MTA3: variants seen among roughly 807,000 people sequenced by gnomAD.
MTA3 encodes the protein metastasis associated 1 family member 3.
A neutral mutation model predicts 83.5 loss-of-function variants in MTA3; 34 were observed. The observed-to-expected ratio is 0.41, with a 90% CI of 0.31 to 0.54. The LOEUF is 0.54. Ranked by LOEUF, MTA3 falls within the 20% of genes least tolerant of loss-of-function variation. The pLI is 0.33. For synonymous variants in MTA3, 303 were observed against 252.7 expected (o/e 1.20, Z -1.89); for missense variants, 761 against 726.4 (o/e 1.05, Z -0.55).
chr2:42,578,870 G>A (rs1271885347), intron 2 of MTA3, among the ~76,000 whole-genome samples: 1 of 152,122 alleles, frequency 6.6e-6, no homozygotes, highest in Non-Finnish European at 1.5e-5. Context: ...AGTCTAATCA[G>A]TTTAGTTTAA....
At position 42,713,074 on chromosome 2, in the gene MTA3, T is replaced by A. The variant is rs1666755870; in HGVS notation, c.1525+3978T>A. On this transcript the variant is annotated intron_variant, in intron 14 of 16. Coordinates refer to ENST00000405094, the MANE Select transcript of MTA3 (RefSeq NM_001330442.2). The stretch of plus-strand genomic sequence containing the variant: ...GACTGAGGTTAAATAGAAGTAGGTT[T>A]ACTAGCAACATTCCAAAGATGAAGC... Among the ~76,000 whole-genome samples, 3 of 152,314 alleles carry A rather than the reference T, an allele frequency of 2.0e-5. No individual in the cohort carries two copies. The South Asian group carries it at 6.2e-4, about 32-fold the overall frequency.
intron 2 of MTA3, among the ~76,000 whole-genome samples, chr2:42,521,751 C>CTTTTTTTTTTT (rs35664371): frequency 2.8e-5 from 3 of 106,400 alleles, no homozygotes; most frequent in African/African-American, 3.7e-5. Flanking sequence ...ATCTTTCTCT[C>CTTTTTTTTTTT]TTTTTTTTTT....
At chr2:42,538,696 T>C (rs1558422177) in intron 2 of MTA3, among the ~76,000 whole-genome samples, 1 of 133,976 alleles carries the variant, frequency 7.5e-6, no homozygotes, top group Admixed American at 8.4e-5. Context: ...CGACAGAATA[T>C]GATGACTCTT....
chr2:42,534,425 G>A (rs867908757), intron 2 of MTA3, among the ~76,000 whole-genome samples: 23 of 151,998 alleles, frequency 1.5e-4, no homozygotes, highest in African/African-American at 5.3e-4. Context: ...GCAAAACCCC[G>A]TCTCTACTAA....
At chr2:42,552,216 A>G (rs928633239) in intron 2 of MTA3, among the ~76,000 whole-genome samples, 29 of 152,272 alleles carry the variant, frequency 1.9e-4, no homozygotes, top group African/African-American at 6.7e-4. Flanking sequence ...TGGCATGTCT[A>G]GGGAATAATC....
In MTA3 at chr2:42,667,071, A is replaced by G. The variant is rs115347685; in HGVS notation, c.702+7209A>G. ...TTTTAAGCATACCATGCATGCTGCC[A>G]CATACCCCTCATCCTTTTTAAGAGA... On this transcript the variant is annotated intron_variant, in intron 8 of 16. Transcript: ENST00000405094. Among the ~76,000 whole-genome samples the G allele has an allele frequency of 3.8e-3, 583 of 152,182 alleles. 4 individuals carry two copies. Among genetic ancestry groups the G allele is most frequent in the African/African-American group, 0.013 (534 of 41,514 alleles).
upstream of MTA3, among the ~76,000 whole-genome samples, chr2:42,566,051 A>G (rs1268705421): frequency 6.6e-6 from 1 of 152,146 alleles, no homozygotes; most frequent in Non-Finnish European, 1.5e-5. Context: ...TGAGGTAGGT[A>G]TCAACCAGTA....
At chr2:42,652,133 A>G (rs113169881) in intron 6 of MTA3, among the ~76,000 whole-genome samples, 3,075 of 152,260 alleles carry the variant, frequency 0.02, 86 homozygotes, top group African/African-American at 0.068. Context: ...CACAGGTTAC[A>G]GGAGAGCAGG....
chr2:42,557,736 T>C (rs1438359093), intron 2 of MTA3, among the ~76,000 whole-genome samples: 1 of 152,212 alleles, frequency 6.6e-6, no homozygotes, highest in African/African-American at 2.4e-5. Flanking sequence ...CAGTCCTTTT[T>C]GAAATCAAGA....
chr2:42,613,479 A>C (rs1053124337), intron 4 of MTA3, among the ~76,000 whole-genome samples: 1 of 152,256 alleles, frequency 6.6e-6, no homozygotes, highest in Non-Finnish European at 1.5e-5. Flanking sequence ...ATGCTGATGT[A>C]GAACAAGTGC....
chr2:42,547,090 AT>A (rs1483373371), intron 2 of MTA3, among the ~76,000 whole-genome samples: 4 of 152,222 alleles, frequency 2.6e-5, no homozygotes, highest in African/African-American at 9.6e-5. Flanking sequence ...TAAAATACAG[AT>A]TCCCTGGCCC....
upstream of MTA3, among the ~76,000 whole-genome samples, chr2:42,567,284 C>T (rs1677957723): frequency 6.6e-6 from 1 of 152,208 alleles, no homozygotes; most frequent in Non-Finnish European, 1.5e-5. Flanking sequence ...GACGAGGAAA[C>T]AGGTCATAGA....
intron 2 of MTA3, among the ~76,000 whole-genome samples, chr2:42,532,605 A>G (rs753960240): frequency 6.6e-6 from 1 of 152,256 alleles, no homozygotes; most frequent in African/African-American, 2.4e-5. Flanking sequence ...TCAGCAAGAC[A>G]TAAACTAAAT....
At chr2:42,724,513 G>A (rs888871653) in intron 16 of MTA3, among the ~76,000 whole-genome samples, 3 of 151,776 alleles carry the variant, frequency 2.0e-5, no homozygotes, top group South Asian at 2.1e-4. Flanking sequence ...ATCTAGTGGC[G>A]CATGTCTGTA....
intron 6 of MTA3, among the ~76,000 whole-genome samples, chr2:42,649,901 G>T (rs1688550837): frequency 6.6e-6 from 1 of 152,218 alleles, no homozygotes; most frequent in African/African-American, 2.4e-5. Context: ...GGAGATAAAA[G>T]ATCAGCGGAC....
chr2:42,710,549 C>CAAAAAAAAAAAAAAAAAAAAAAAAAAAA (rs765315082), intron 14 of MTA3, among the ~76,000 whole-genome samples: 1 of 61,068 alleles, frequency 1.6e-5, no homozygotes, highest in African/African-American at 7.1e-5. Flanking sequence ...AACTTCATCT[C>CAAAAAAAAAAAAAAAAAAAAAAAAAAAA]AAAAAAAAAA....
chr2:42,563,261 C>T (rs1365478086), intron 2 of MTA3, among the ~76,000 whole-genome samples: 2 of 152,184 alleles, frequency 1.3e-5, no homozygotes, highest in African/African-American at 4.8e-5. Context: ...CTCCACCTCC[C>T]AGGTTTAAGC....
At chr2:42,579,344 C>A (rs1319486291) in intron 3 of MTA3, 144 bp downstream of exon 3, 4 of 592,988 alleles carry the variant, frequency 6.7e-6, no homozygotes, top group African/African-American at 1.9e-5. Flanking sequence ...ATAAGTGATA[C>A]TAACTGAAAC....
At position 42,754,431 on chromosome 2, in the gene MTA3, C is replaced by A; in HGVS notation, c.*1032C>A. 1.0e-6 allele frequency: 1 copy of A among 985,596 alleles called. No homozygotes were observed. The highest frequency in any genetic ancestry group is 1.2e-6 in the Non-Finnish European group (1 of 830,050). The allele number at this position is 985,596 out of a possible 1,614,324, so 61.1% of individuals were successfully genotyped here. A position where few individuals can be genotyped will look rare whatever the true frequency, so the allele number is the denominator to read the frequency against. ...ACATGTGACCTAGGCCCCGGGGGAC[C>A]TGCCTGCTCCTTTGGCTTGGGCTCT... On this transcript the variant is annotated 3_prime_UTR_variant, in exon 17 of 17. Transcript: ENST00000405094.
Sources: allele counts gnomAD v4.1 joint callset (sites outside exome capture counted in the v4.1 genomes callset), GRCh38; gene constraint gnomAD v4.1.1; transcripts MANE v1.5; gene names NCBI Gene and HGNC (gene_info 2026-07-23, HGNC 2026-07-21).